BIN2: variants seen among roughly 807,000 people sequenced by gnomAD.
The protein encoded by BIN2 is bridging integrator 2, also known as breast cancer associated protein BRAP1.
BIN2 carries 43 observed loss-of-function variants against 67.9 expected under a neutral mutation model. The ratio of observed to expected loss-of-function variants is 0.63; its 90% CI spans 0.50 to 0.82. BIN2 has a LOEUF of 0.82. BIN2 is among the 40% of genes least tolerant of loss of function. The pLI, the probability that BIN2 is intolerant of heterozygous loss-of-function variation, is 0.00. For synonymous variants in BIN2, 244 were observed against 246.8 expected, an observed-to-expected ratio of 0.99 and a Z score of 0.11; for missense variants, 581 against 671.6, an observed-to-expected ratio of 0.87 and a Z score of 1.49.
chr12:51,288,046 A>T (rs1191730503), intron 11 of BIN2, 62 bp downstream of exon 11: 2 of 1,225,110 alleles, frequency 1.6e-6, no homozygotes, highest in Non-Finnish European at 2.4e-6. Flanking sequence ...GAAAAAGAAA[A>T]ATAAATTTTA....
At chr12:51,318,642 C>T (rs879097355) in intron 1 of BIN2, among the ~76,000 whole-genome samples, 4 of 152,158 alleles carry the variant, frequency 2.6e-5, no homozygotes, top group Admixed American at 2.0e-4. Context: ...TGGAGTTAGA[C>T]AGATATGGGC....
chr12:51,324,407 C>A, upstream of BIN2: 1 of 1,389,428 alleles, frequency 7.2e-7, no homozygotes, highest in South Asian at 1.4e-5. Flanking sequence ...GGTGGGCCCA[C>A]ACTCACTCGC....
At chr12:51,293,458 C>T (rs561045820) in intron 9 of BIN2, among the ~76,000 whole-genome samples, 1 of 152,098 alleles carries the variant, frequency 6.6e-6, no homozygotes, top group Non-Finnish European at 1.5e-5. Context: ...TACAGGCGCC[C>T]GCCACCATGC....
Position 51,299,676 on chromosome 12 carries a change from A to T in BIN2, c.447T>A (p.Tyr149Ter). The T allele has an allele frequency of 1.9e-6, 3 of 1,614,080 alleles. No individual in the cohort carries two copies. The highest frequency in any genetic ancestry group is 2.5e-6 in the Non-Finnish European group (3 of 1,180,026). The part of the protein sequence containing the change: ...IAKRGRKLVD[Y>*]DSARHHLEAV... ...CCTCCAGGTGGTGTCGGGCACTGTC[A>T]TAGTCCACGAGTTTCCGACCCCGCT... The change falls in exon 6 of 13, where the codon TAT becomes TAA. Residue 149 changes from tyrosine to a stop codon, truncating the protein, a stop_gained. Transcript: ENST00000615107. LOFTEE classifies it high-confidence loss of function.
chr12:51,306,917 G>A (rs1945877252), intron 2 of BIN2, among the ~76,000 whole-genome samples: 1 of 152,210 alleles, frequency 6.6e-6, no homozygotes, highest in Non-Finnish European at 1.5e-5. Context: ...GAGGTAGGTA[G>A]AGGTTTGAGA....
rs117691477 is a variant in BIN2, at chr12:51,291,923, T to C, written c.1183A>G (p.Ser395Gly). The change falls in exon 10 of 13, where the codon AGT becomes GGT. Residue 395 changes from serine (S) to glycine (G), a missense_variant. Transcript: ENST00000615107. ...TEVVLRTRTASEGSEQPKKRA... is the reference protein window; with the variant it reads ...TEVVLRTRTAGEGSEQPKKRA... ...TTCTTTGGTTGTTCAGATCCTTCAC[T>C]TGCGGTGCGGGTTCGGAGGACTACT... 12,899 of 1,614,184 alleles carry C rather than the reference T, an allele frequency of 8.0e-3. 85 individuals carry two copies. The highest frequency in any genetic ancestry group is 0.06 in the Middle Eastern group (362 of 6,062).
chr12:51,287,970 G>T, intron 11 of BIN2, 138 bp downstream of exon 11: 1 of 611,902 alleles, frequency 1.6e-6, no homozygotes, highest in Non-Finnish European at 2.8e-6. Context: ...TTTACATCTT[G>T]CTCTGTTAGG....
Position 51,291,178 on chromosome 12 carries a change from A to G in BIN2, c.1515+413T>C, listed in dbSNP as rs1945371285. 2.6e-5 allele frequency among the ~76,000 whole-genome samples: 4 copies of G among 152,148 alleles called. No individual in the cohort carries two copies. In the South Asian group the frequency reaches 8.3e-4, roughly 32 times the overall value. ...AAGCAAACAAACAAACAAACAAAAA[A>G]AAGTCAATTACCCTAAAAGTAGATT... On this transcript the variant is annotated intron_variant, in intron 10 of 12. Transcript: ENST00000615107.
chr12:51,314,869 T>C (rs1011625820), intron 1 of BIN2, among the ~76,000 whole-genome samples: 2 of 152,196 alleles, frequency 1.3e-5, no homozygotes, highest in Non-Finnish European at 2.9e-5. Context: ...ATTATTTTAT[T>C]TGAGACAGGG....
At chr12:51,282,751 G>A (rs150541365) in intron 12 of BIN2, among the ~76,000 whole-genome samples, 13,145 of 151,676 alleles carry the variant, frequency 0.087, 603 homozygotes, top group Non-Finnish European at 0.11. Flanking sequence ...TTACGGGTGC[G>A]TGCCACCATG....
intron 8 of BIN2, among the ~76,000 whole-genome samples, chr12:51,296,387 C>T (rs1036524547): frequency 3.3e-5 from 5 of 151,808 alleles, no homozygotes; most frequent in African/African-American, 1.2e-4. Context: ...GTCCCAGCTA[C>T]TCGGGAGGCT....
chr12:51,299,220 C>G lies in BIN2; in HGVS notation c.585G>C (p.Leu195=). The part of the protein sequence containing the change: ...EDLNQELLEE[L]PILYNSRIGC... ...GTCATTACCTATTATAAAGAATAGG[C>G]AGCTCCTCTAGTAGTTCTTGGTTCA... The change falls in exon 7 of 13, where the codon CTG becomes CTC. Residue 195 remains leucine (L), a synonymous_variant. Coordinates refer to ENST00000615107, the MANE Select transcript of BIN2 (RefSeq NM_016293.4). 2 of 1,612,770 alleles carry G rather than the reference C, an allele frequency of 1.2e-6. No individual in the cohort carries two copies. Among genetic ancestry groups the G allele is most frequent in the African/African-American group, 2.7e-5 (2 of 75,002 alleles).
chr12:51,290,608 C>T (rs1184902617), intron 10 of BIN2, among the ~76,000 whole-genome samples: 2 of 151,848 alleles, frequency 1.3e-5, no homozygotes, highest in Non-Finnish European at 2.9e-5. Flanking sequence ...AGGCGGATCA[C>T]GAGGTCAGGA....
intron 1 of BIN2, among the ~76,000 whole-genome samples, chr12:51,323,460 T>TG (rs1424911266): frequency 2.0e-5 from 3 of 149,484 alleles, no homozygotes; most frequent in African/African-American, 7.7e-5. Context: ...AAAGGGAGGG[T>TG]AGAAGAAGCA....
In BIN2 at chr12:51,313,962, G is replaced by A. The variant is rs368591422; in HGVS notation, c.82-59C>T. On this transcript the variant is annotated intron_variant, in intron 1 of 12. Coordinates refer to ENST00000615107, the MANE Select transcript of BIN2 (RefSeq NM_016293.4). Reference sequence around the variant, plus strand: ...ATAGTCAAGTCTCTCTTACATGTTGGCCTCATATGACCCTGGCTTCAGTCA... The same window carrying A: ...ATAGTCAAGTCTCTCTTACATGTTGACCTCATATGACCCTGGCTTCAGTCA... 100 of 1,353,172 alleles carry A rather than the reference G, an allele frequency of 7.4e-5. No individual in the cohort carries two copies. In the African/African-American group the frequency reaches 9.8e-4, roughly 13 times the overall value. 83.8% of individuals were successfully genotyped at this position (1,353,172 alleles called of 1,614,324 possible).
In BIN2 at chr12:51,302,797, C is replaced by T. The variant is rs1413996301; in HGVS notation, c.218-17G>A. ...CATGCATCACTGAAAGGAGAGAATT[C>T]AGTCCCACCATCATGTTTCCCCAAC... On this transcript the variant is annotated splice_polypyrimidine_tract_variant and intron_variant, in intron 3 of 12. Coordinates refer to ENST00000615107, the MANE Select transcript of BIN2 (RefSeq NM_016293.4). 6.3e-7 allele frequency: 1 copy of T among 1,589,414 alleles called. No homozygotes were observed. The highest frequency in any genetic ancestry group is 8.6e-7 in the Non-Finnish European group (1 of 1,157,770).
At chr12:51,295,585 T>A (rs1345283262) in intron 9 of BIN2, among the ~76,000 whole-genome samples, 728 of 11,560 alleles carry the variant, frequency 0.063, 71 homozygotes, top group African/African-American at 0.067. Context: ...AAAATATATA[T>A]ATATATATAT....
At chr12:51,316,223 G>T (rs1946124714) in intron 1 of BIN2, among the ~76,000 whole-genome samples, 1 of 151,924 alleles carries the variant, frequency 6.6e-6, no homozygotes, top group South Asian at 2.1e-4. Context: ...AGGCGCGGTG[G>T]CTCATGCGCC....
chr12:51,320,632 TTC>T (rs1396312933), intron 1 of BIN2, among the ~76,000 whole-genome samples: 77 of 95,880 alleles, frequency 8.0e-4, no homozygotes, highest in Middle Eastern at 9.4e-3. Flanking sequence ...ATTATCATTA[TTC>T]TTTTTTTTTT....
Sources: allele counts gnomAD v4.1 joint callset (sites outside exome capture counted in the v4.1 genomes callset), GRCh38; gene constraint gnomAD v4.1.1; transcripts MANE v1.5; gene names NCBI Gene and HGNC (gene_info 2026-07-23, HGNC 2026-07-21).